SYNE1: variants seen among roughly 807,000 people sequenced by gnomAD.
The protein encoded by SYNE1 is nesprin-1.
In SYNE1, 616 loss-of-function variants were observed where a neutral mutation model predicts 1,111.0. That is an observed-to-expected ratio of 0.55 (90% CI 0.52 to 0.59). The LOEUF (loss-of-function observed/expected upper bound fraction) is 0.59. Among genes scored for constraint, SYNE1 ranks in the 20% least tolerant of loss-of-function variants. The pLI is 0.00. For missense variants in SYNE1, 10,006 were observed against 10,417.0 expected (o/e 0.96, Z 1.72); for synonymous variants, 3,855 against 3,825.8 (o/e 1.01, Z -0.28).
At chr6:152,269,422 A>T (rs1289387413) in intron 98 of SYNE1, 136 bp from the exon 99 acceptor site, 35 of 1,176,374 alleles carry the variant, frequency 3.0e-5, no homozygotes, top group Non-Finnish European at 3.5e-5. Flanking sequence ...CACATTTTTT[A>T]AAAAAAACAG....
At position 152,321,391 on chromosome 6, in the gene SYNE1, C is replaced by G; in HGVS notation, c.16084-1G>C. On this transcript the variant is annotated splice_acceptor_variant, in intron 83 of 145. Coordinates refer to ENST00000367255, the MANE Select transcript of SYNE1 (RefSeq NM_182961.4). LOFTEE classifies it high-confidence loss of function. ...GATTTGTGGCTTCTGTTAGGAGAATCTGAAGAAAAGATCAAAATAAGAAAT... is the reference window on the plus strand; with the variant it reads ...GATTTGTGGCTTCTGTTAGGAGAATGTGAAGAAAAGATCAAAATAAGAAAT... 1 of 1,613,464 alleles carries G rather than the reference C, an allele frequency of 6.2e-7. No individual in the cohort carries two copies. The highest frequency in any genetic ancestry group is 8.5e-7 in the Non-Finnish European group (1 of 1,179,822).
At chr6:152,450,189 C>G (rs1345461272) in intron 27 of SYNE1, among the ~76,000 whole-genome samples, 1 of 152,170 alleles carries the variant, frequency 6.6e-6, no homozygotes, top group Non-Finnish European at 1.5e-5. Context: ...GGCTTTTCCC[C>G]CTTTTGCTCT....
At chr6:152,608,946 T>TG (rs2099623552) in intron 3 of SYNE1, among the ~76,000 whole-genome samples, 1 of 69,710 alleles carries the variant, frequency 1.4e-5, no homozygotes, top group Non-Finnish European at 3.1e-5. Context: ...AATAAAAAAA[T>TG]AAAAAAAAAT....
chr6:152,517,455 T>A (rs1166050653), intron 6 of SYNE1, among the ~76,000 whole-genome samples: 1 of 152,242 alleles, frequency 6.6e-6, no homozygotes, highest in East Asian at 1.9e-4. Flanking sequence ...TGCATTTACC[T>A]TTTGACTTAG....
At chr6:152,224,360 A>G in intron 117 of SYNE1, 134 bp downstream of exon 117, 1 of 914,648 alleles carries the variant, frequency 1.1e-6, no homozygotes, top group Non-Finnish European at 1.6e-6. Flanking sequence ...GGTAAAATTA[A>G]TTTTAAAGAT....
intron 4 of SYNE1, among the ~76,000 whole-genome samples, chr6:152,535,542 T>A (rs1354024286): frequency 1.3e-5 from 2 of 152,260 alleles, no homozygotes; most frequent in Admixed American, 1.3e-4. Context: ...TGAGACCTAT[T>A]TTTCCTCAAA....
At chr6:152,460,943 G>C (rs1006133034) in intron 21 of SYNE1, among the ~76,000 whole-genome samples, 8 of 151,356 alleles carry the variant, frequency 5.3e-5, no homozygotes, top group Non-Finnish European at 7.4e-5. Context: ...CTCCTGAGTA[G>C]CTGGGATTAT....
At position 152,122,346 on chromosome 6, in the gene SYNE1, G is replaced by A. The variant is rs2051585871; in HGVS notation, c.*90C>T. 9 of 1,608,720 alleles carry A rather than the reference G, an allele frequency of 5.6e-6. 1 individual carries two copies. The South Asian group carries it at 9.9e-5, about 18-fold the overall frequency. ...CTGCCACACCGAGGGCTTTCGCCAA[G>A]ATCAAGGTCCTCTTGTTGGTAGTTT... On this transcript the variant is annotated 3_prime_UTR_variant, in exon 146 of 146. Coordinates refer to ENST00000367255, the MANE Select transcript of SYNE1 (RefSeq NM_182961.4).
At chr6:152,498,273 C>T (rs1261011841) in intron 11 of SYNE1, among the ~76,000 whole-genome samples, 1 of 152,162 alleles carries the variant, frequency 6.6e-6, no homozygotes, top group Non-Finnish European at 1.5e-5. Context: ...ATGAATTTTA[C>T]TAAACCATGA....
At position 152,311,442 on chromosome 6, in the gene SYNE1, T is replaced by C. The variant is rs112456188; in HGVS notation, c.16711-569A>G. Among the ~76,000 whole-genome samples the C allele has an allele frequency of 2.1e-3, 323 of 152,334 alleles. 1 individual carries two copies. Among genetic ancestry groups the C allele is most frequent in the African/African-American group, 7.3e-3 (304 of 41,582 alleles). ...AAACATCCCTGATCATTCAGAGTGG[T>C]ATCATCTACTGGGTCTATCAGAAAT... is the stretch of plus-strand genomic sequence containing the variant. On this transcript the variant is annotated intron_variant, in intron 87 of 145. Transcript: ENST00000367255.
intron 105 of SYNE1, 131 bp from the exon 106 acceptor site, chr6:152,244,787 T>A: frequency 7.8e-7 from 1 of 1,277,510 alleles, no homozygotes; most frequent in Non-Finnish European, 1.1e-6. Flanking sequence ...AAAGGAATCA[T>A]TTCAATAAAA....
chr6:152,465,855 C>A, intron 17 of SYNE1, 127 bp downstream of exon 17: 1 of 708,972 alleles, frequency 1.4e-6, no homozygotes, highest in Non-Finnish European at 2.5e-6. Flanking sequence ...AGTATGTGTT[C>A]TCCTGGCCAA....
chr6:152,154,385 T>C (rs916942206), intron 133 of SYNE1, among the ~76,000 whole-genome samples: 5 of 151,458 alleles, frequency 3.3e-5, no homozygotes, highest in Non-Finnish European at 5.9e-5. Flanking sequence ...CACTGTGTAA[T>C]TAGAAATGAA....
At chr6:152,406,942 G>A in intron 45 of SYNE1, 72 bp downstream of exon 45, 5 of 1,151,340 alleles carry the variant, frequency 4.3e-6, no homozygotes, top group South Asian at 2.1e-5. Flanking sequence ...TTTTAAGAAA[G>A]ACTTTTTTTT....
chr6:152,360,340 T>C (rs1383439937), intron 64 of SYNE1, among the ~76,000 whole-genome samples: 1 of 152,096 alleles, frequency 6.6e-6, no homozygotes, highest in Admixed American at 6.6e-5. Context: ...GATATTTCCC[T>C]CCACAGGGCC....
chr6:152,174,822 A>T (rs2066005599), intron 130 of SYNE1, among the ~76,000 whole-genome samples: 1 of 152,256 alleles, frequency 6.6e-6, no homozygotes, highest in Non-Finnish European at 1.5e-5. Context: ...AAAGATGCCT[A>T]TGAAACCCGT....
intron 141 of SYNE1, among the ~76,000 whole-genome samples, chr6:152,135,703 T>G (rs1321468062): frequency 6.6e-6 from 1 of 152,170 alleles, no homozygotes; most frequent in Non-Finnish European, 1.5e-5. Flanking sequence ...TAGGAGTGGG[T>G]GCAGAGGTGA....
rs774144244 is a variant in SYNE1, at chr6:152,208,211, T to C, written c.22590-5A>G. Reference sequence around the variant, plus strand: ...AATTTCAGGTTGAATTCATCCCTAGTGAAGAAATAATTACATGGTAAAAAA... The same window carrying C: ...AATTTCAGGTTGAATTCATCCCTAGCGAAGAAATAATTACATGGTAAAAAA... On this transcript the variant is annotated splice_polypyrimidine_tract_variant and splice_region_variant and intron_variant, in intron 124 of 145. Coordinates refer to ENST00000367255, the MANE Select transcript of SYNE1 (RefSeq NM_182961.4). 4.3e-6 allele frequency: 7 copies of C among 1,612,944 alleles called. No individual in the cohort carries two copies. Among genetic ancestry groups the C allele is most frequent in the South Asian group, 3.3e-5 (3 of 91,052 alleles).
At chr6:152,242,182 G>C in intron 107 of SYNE1, 58 bp downstream of exon 107, 2 of 1,419,852 alleles carry the variant, frequency 1.4e-6, no homozygotes, top group Non-Finnish European at 1.0e-6. Flanking sequence ...ATATATCAGG[G>C]TTTGAGAGCA....
Sources: gnomAD v4.1 joint callset for allele counts (sites outside exome capture counted in the v4.1 genomes callset) on GRCh38, gnomAD v4.1.1 for gene constraint, MANE v1.5 for transcripts, NCBI Gene and HGNC (gene_info 2026-07-23, HGNC 2026-07-21) for gene names.